PLA1A: variants seen among roughly 807,000 people sequenced by gnomAD.
PLA1A encodes the protein phospholipase A1 member A, also known as phosphatidylserine-specific phospholipase A1alpha.
A neutral mutation model predicts 49.4 loss-of-function variants in PLA1A; 47 were observed. The observed-to-expected ratio is 0.95, with a 90% CI of 0.75 to 1.21. The LOEUF is 1.21. PLA1A is among the 50% of genes most tolerant of loss of function. The pLI, the probability that PLA1A is intolerant of heterozygous loss-of-function variation, is 0.00. For missense variants in PLA1A, 561 were observed against 563.9 expected (o/e 0.99, Z 0.05); for synonymous variants, 224 against 207.9 (o/e 1.08, Z -0.67).
At chr3:119,629,245 C>G (rs1251024111) in intron 10 of PLA1A, 139 bp from the exon 11 acceptor site, 2 of 679,808 alleles carry the variant, frequency 2.9e-6, no homozygotes, top group Non-Finnish European at 5.3e-6. Flanking sequence ...CCCCTGGGCA[C>G]TTGGACCACA....
intron 7 of PLA1A, among the ~76,000 whole-genome samples, chr3:119,618,804 G>A (rs2082889040): frequency 6.6e-6 from 1 of 152,054 alleles, no homozygotes; most frequent in African/African-American, 2.4e-5. Flanking sequence ...AGTGGAAATG[G>A]TTTCTCTCCC....
intron 1 of PLA1A, among the ~76,000 whole-genome samples, chr3:119,603,537 G>T (rs112410944): frequency 6.6e-6 from 1 of 152,032 alleles, no homozygotes; most frequent in Non-Finnish European, 1.5e-5. Context: ...TGGAATTACT[G>T]TGGTATTCTT....
chr3:119,605,173 T>A (rs1296997594), intron 1 of PLA1A, among the ~76,000 whole-genome samples: 2 of 152,204 alleles, frequency 1.3e-5, no homozygotes, highest in African/African-American at 4.8e-5. Flanking sequence ...AGCTCTCTCA[T>A]GTGCTGTGGG....
At chr3:119,606,729 T>A in intron 1 of PLA1A, 45 bp from the exon 2 acceptor site, 1 of 1,492,606 alleles carries the variant, frequency 6.7e-7, no homozygotes, top group South Asian at 1.1e-5. Flanking sequence ...TAAGAACAGA[T>A]GACCTCACCT....
In PLA1A at chr3:119,613,584, C is replaced by A. The variant is rs144816516; in HGVS notation, c.664+466C>A. Among the ~76,000 whole-genome samples the A allele has an allele frequency of 2.1e-3, 317 of 152,272 alleles. 2 individuals carry two copies. The highest frequency in any genetic ancestry group is 3.4e-3 in the Non-Finnish European group (229 of 68,014). Reference sequence around the variant, plus strand: ...CAGATGACAAGCTTGGCCCTTCAGTCCAGTGGAGAATAAGAATCTCTCTTC... The same window carrying A: ...CAGATGACAAGCTTGGCCCTTCAGTACAGTGGAGAATAAGAATCTCTCTTC... On this transcript the variant is annotated intron_variant, in intron 5 of 10. Coordinates refer to ENST00000273371, the MANE Select transcript of PLA1A (RefSeq NM_015900.4).
chr3:119,611,078 T>TA (rs564235900), intron 4 of PLA1A, among the ~76,000 whole-genome samples: 7 of 152,126 alleles, frequency 4.6e-5, no homozygotes, highest in Middle Eastern at 3.4e-3. Flanking sequence ...TCTTTTCCTC[T>TA]AAAAAAAGTG....
chr3:119,616,149 A>T (rs370016323), intron 6 of PLA1A, 48 bp downstream of exon 6: 61 of 1,155,982 alleles, frequency 5.3e-5, no homozygotes, highest in Non-Finnish European at 7.7e-5. Context: ...GGAGATTGAA[A>T]TTCACCAACA....
rs777328820 is a variant in PLA1A, at chr3:119,609,505, G to A, written c.491G>A (p.Gly164Asp). 2 of 1,613,266 alleles carry A rather than the reference G, an allele frequency of 1.2e-6. No individual in the cohort carries two copies. Among genetic ancestry groups the A allele is most frequent in the Non-Finnish European group, 1.7e-6 (2 of 1,179,246 alleles). Residue 164 changes from glycine (G) to aspartate (D), a missense_variant, in exon 4 of 11, where the codon GGT (glycine) becomes GAT (aspartate). Physicochemically the swap from Gly to Asp is moderately conservative, Grantham distance 94 (BLOSUM62 -1). Transcript: ENST00000273371. ...GVSESSIHII[G>D]VSLGAHVGGM... is the part of the protein sequence containing the mutation. ...TCGGAATCCTCAATCCACATCATTGGTGTTAGCCTGGGGGCCCACGTTGGG... is the reference window on the plus strand; with the variant it reads ...TCGGAATCCTCAATCCACATCATTGATGTTAGCCTGGGGGCCCACGTTGGG...
intron 1 of PLA1A, among the ~76,000 whole-genome samples, chr3:119,599,362 G>C (rs1052477349): frequency 6.6e-6 from 1 of 152,128 alleles, no homozygotes; most frequent in Non-Finnish European, 1.5e-5. Flanking sequence ...AGCCACCTTG[G>C]AGAGAAGGTG....
Position 119,629,692 on chromosome 3 carries a change from T to C in PLA1A, c.*224T>C. On this transcript the variant is annotated 3_prime_UTR_variant, in exon 11 of 11. Transcript: ENST00000273371. ...ATCTTATGTACATACCCATTTTAGC[T>C]TTCCCATGCATACTTAACTGCACTT... 2.0e-6 allele frequency: 1 copy of C among 511,200 alleles called. No individual in the cohort carries two copies. Among genetic ancestry groups the C allele is most frequent in the Non-Finnish European group, 3.5e-6 (1 of 288,306 alleles). 31.7% of individuals were successfully genotyped at this position (511,200 alleles called of 1,614,324 possible).
intron 4 of PLA1A, among the ~76,000 whole-genome samples, chr3:119,610,288 T>C (rs1188223328): frequency 6.6e-6 from 1 of 152,186 alleles, no homozygotes; most frequent in Non-Finnish European, 1.5e-5. Flanking sequence ...ATGAATATAC[T>C]AGTGCAGGTA....
intron 3 of PLA1A, 21 bp downstream of exon 3, chr3:119,608,968 G>A (rs2082730525): frequency 6.2e-7 from 1 of 1,603,098 alleles, no homozygotes; most frequent in South Asian, 1.1e-5. Flanking sequence ...AAGAGCTTAG[G>A]GTGAGTTTGG....
At chr3:119,621,572 AGAG>A (rs2082931301) in intron 8 of PLA1A, among the ~76,000 whole-genome samples, 1 of 152,276 alleles carries the variant, frequency 6.6e-6, no homozygotes. Flanking sequence ...CAGCATGGGC[AGAG>A]GATCTTCTAC....
intron 7 of PLA1A, among the ~76,000 whole-genome samples, chr3:119,618,759 T>C (rs1011239252): frequency 7.1e-6 from 1 of 141,822 alleles, no homozygotes; most frequent in African/African-American, 2.6e-5. Context: ...CCCGTGGTTA[T>C]CCAGGATGAA....
chr3:119,626,497 G>C (rs1258930300), intron 9 of PLA1A, among the ~76,000 whole-genome samples: 1 of 152,178 alleles, frequency 6.6e-6, no homozygotes, highest in Non-Finnish European at 1.5e-5. Context: ...GGTGTGTCTG[G>C]AGCACAGATT....
In PLA1A at chr3:119,613,020, T is replaced by A. The variant is rs749936700; in HGVS notation, c.566T>A (p.Leu189Gln). 6.3e-7 allele frequency: 1 copy of A among 1,587,718 alleles called. No individual in the cohort carries two copies. Among genetic ancestry groups the A allele is most frequent in the East Asian group, 2.3e-5 (1 of 44,006 alleles). ...FGGQLGQITG[L>Q]DPAGPEYTRA... The stretch of plus-strand genomic sequence containing the variant: ...TCATATCAGTCTCTTCTCACAGGCC[T>A]GGACCCCGCTGGACCTGAGTACACC... Residue 189 changes from leucine to glutamine, a missense_variant, in exon 5 of 11, where the codon CTG (leucine) becomes CAG (glutamine). Physicochemically the swap from Leu to Gln is moderately radical, Grantham distance 113. Transcript: ENST00000273371.
chr3:119,612,713 C>T (rs527619850), intron 4 of PLA1A, among the ~76,000 whole-genome samples: 11 of 152,302 alleles, frequency 7.2e-5, no homozygotes, highest in African/African-American at 2.6e-4. Context: ...TGATCTCGAT[C>T]TCCTGACCTC....
intron 8 of PLA1A, among the ~76,000 whole-genome samples, chr3:119,623,120 C>T (rs61278557): frequency 0.29 from 44,340 of 151,032 alleles, 6,866 homozygotes; most frequent in East Asian, 0.42. Context: ...TGAGCCACTG[C>T]GCCTGGCTTT....
intron 1 of PLA1A, among the ~76,000 whole-genome samples, chr3:119,599,991 G>C (rs1479508665): frequency 6.6e-6 from 1 of 151,730 alleles, no homozygotes; most frequent in Non-Finnish European, 1.5e-5. Flanking sequence ...TGTGTGTGTG[G>C]CTGGGAGGGA....
Sources: gnomAD v4.1 joint callset for allele counts (sites outside exome capture counted in the v4.1 genomes callset) on GRCh38, gnomAD v4.1.1 for gene constraint, MANE v1.5 for transcripts, NCBI Gene and HGNC (gene_info 2026-07-23, HGNC 2026-07-21) for gene names.